EBF1: variants seen among roughly 807,000 people sequenced by gnomAD.
The protein encoded by EBF1 is EBF transcription factor 1.
Under a neutral mutation model 68.4 loss-of-function variants are expected in EBF1, and 10 were observed. The observed-to-expected ratio is 0.15, with a 90% CI of 0.09 to 0.25. EBF1 has a LOEUF of 0.25. Ranked by LOEUF, EBF1 falls within the 10% of genes least tolerant of loss-of-function variation. The pLI, the probability that EBF1 is intolerant of heterozygous loss-of-function variation, is 1.00. For missense variants in EBF1, 509 were observed against 794.4 expected, an observed-to-expected ratio of 0.64 and a Z score of 4.32; for synonymous variants, 298 against 299.8, an observed-to-expected ratio of 0.99 and a Z score of 0.06.
At chr5:158,703,053 C>T (rs964102308) in intron 15 of EBF1, among the ~76,000 whole-genome samples, 2 of 152,108 alleles carry the variant, frequency 1.3e-5, no homozygotes, top group South Asian at 2.1e-4. Context: ...ACTACATCAG[C>T]GGGGGTTCCA....
intron 6 of EBF1, among the ~76,000 whole-genome samples, chr5:158,998,322 C>T (rs1035860755): frequency 1.3e-5 from 2 of 152,152 alleles, no homozygotes; most frequent in African/African-American, 4.8e-5. Context: ...CTTTCCTCCA[C>T]CCTTCTCTAA....
chr5:158,745,190 A>G (rs1314637846), intron 10 of EBF1, among the ~76,000 whole-genome samples: 1 of 152,176 alleles, frequency 6.6e-6, no homozygotes, highest in African/African-American at 2.4e-5. Flanking sequence ...TGTGTGGGCA[A>G]TGGGTATGTG....
chr5:158,771,068 T>A (rs966732696), intron 10 of EBF1, among the ~76,000 whole-genome samples: 12 of 151,992 alleles, frequency 7.9e-5, no homozygotes, highest in Admixed American at 7.2e-4. Flanking sequence ...AGTGGTAAAA[T>A]CAGAACAGAA....
chr5:158,774,616 A>G (rs1774674663), intron 10 of EBF1, among the ~76,000 whole-genome samples: 1 of 152,110 alleles, frequency 6.6e-6, no homozygotes, highest in Admixed American at 6.6e-5. Context: ...GGGTGGACAA[A>G]GGAGGGGGCC....
chr5:158,703,689 T>C (rs947565617), intron 15 of EBF1, among the ~76,000 whole-genome samples: 3 of 151,602 alleles, frequency 2.0e-5, no homozygotes, highest in African/African-American at 7.3e-5. Context: ...GGAATCATGA[T>C]AGAATCTGTG....
chr5:158,835,230 G>T (rs1253492411), intron 7 of EBF1, among the ~76,000 whole-genome samples: 1 of 152,204 alleles, frequency 6.6e-6, no homozygotes, highest in Non-Finnish European at 1.5e-5. Flanking sequence ...GGGAAATTTA[G>T]TAGGATTTCT....
chr5:158,914,366 G>T (rs1323548524), intron 6 of EBF1, among the ~76,000 whole-genome samples: 5 of 152,114 alleles, frequency 3.3e-5, no homozygotes, highest in Non-Finnish European at 5.9e-5. Context: ...CGTGGTTTGT[G>T]CTTTTGTCTC....
rs1211658360 is a variant in EBF1, at chr5:158,901,708, C to A, written c.555-61598G>T. Among the ~76,000 whole-genome samples the A allele has an allele frequency of 2.0e-5, 3 of 152,264 alleles. No individual in the cohort carries two copies. The East Asian group carries it at 5.8e-4, about 29-fold the overall frequency. On this transcript the variant is annotated intron_variant, in intron 6 of 15. Transcript: ENST00000313708. Reference sequence around the variant, plus strand: ...TATGAAGTAGGTATTCTTTTAACCCCCTTTTTAGAGATATGAAAAGGGAGG... The same window carrying A: ...TATGAAGTAGGTATTCTTTTAACCCACTTTTTAGAGATATGAAAAGGGAGG...
intron 4 of EBF1, among the ~76,000 whole-genome samples, chr5:159,094,194 A>C (rs1034259111): frequency 1.5e-5 from 2 of 130,104 alleles, no homozygotes; most frequent in East Asian, 2.3e-4. Context: ...AAAAAAAAAA[A>C]CACAGTGTCC....
intron 8 of EBF1, among the ~76,000 whole-genome samples, chr5:158,806,738 T>A (rs1216216269): frequency 6.6e-6 from 1 of 152,170 alleles, no homozygotes; most frequent in African/African-American, 2.4e-5. Context: ...TCTAGCCAGG[T>A]AGTGGTTCCC....
intron 5 of EBF1, among the ~76,000 whole-genome samples, chr5:159,082,734 G>A (rs1779951902): frequency 6.6e-6 from 1 of 152,148 alleles, no homozygotes. Flanking sequence ...ACATCTATAG[G>A]CAGCCAGGAA....
chr5:158,932,489 T>C (rs1173385546), intron 6 of EBF1, among the ~76,000 whole-genome samples: 1 of 152,226 alleles, frequency 6.6e-6, no homozygotes, highest in Non-Finnish European at 1.5e-5. Context: ...ACAGTGGTTA[T>C]TGAGGGAAGA....
At chr5:158,850,171 G>A (rs1309914547) in intron 6 of EBF1, among the ~76,000 whole-genome samples, 1 of 152,112 alleles carries the variant, frequency 6.6e-6, no homozygotes, top group African/African-American at 2.4e-5. Context: ...AGGAATAAAA[G>A]GCCATATAAC....
intron 5 of EBF1, among the ~76,000 whole-genome samples, chr5:159,081,522 A>G (rs1301158138): frequency 6.6e-6 from 1 of 152,246 alleles, no homozygotes; most frequent in Non-Finnish European, 1.5e-5. Flanking sequence ...CAACGTAACA[A>G]TAGGACTTGA....
chr5:159,099,565 A>C lies in EBF1; in HGVS notation c.-87T>G. The stretch of plus-strand genomic sequence containing the variant: ...AAGGAAAGAAAAGAAAGAAAAGAAA[A>C]GAAACAAAAACGCCAACCAGAGATT... On this transcript the variant is annotated 5_prime_UTR_variant, in exon 1 of 16. Transcript: ENST00000313708. The C allele has an allele frequency of 2.2e-6, 3 of 1,362,138 alleles. No homozygotes were observed. Among genetic ancestry groups the C allele is most frequent in the Non-Finnish European group, 2.9e-6 (3 of 1,045,908 alleles). 84.4% of individuals were successfully genotyped at this position (1,362,138 alleles called of 1,614,324 possible).
chr5:158,768,672 C>T (rs1024968463), intron 10 of EBF1, among the ~76,000 whole-genome samples: 4 of 152,250 alleles, frequency 2.6e-5, no homozygotes, highest in African/African-American at 9.6e-5. Context: ...ATGAACAGGA[C>T]TGGCATCCAC....
chr5:158,986,650 A>C (rs935876543), intron 6 of EBF1, among the ~76,000 whole-genome samples: 4 of 152,242 alleles, frequency 2.6e-5, no homozygotes, highest in Non-Finnish European at 5.9e-5. Context: ...GCATCTGAGG[A>C]CCAAATTAAG....
intron 6 of EBF1, among the ~76,000 whole-genome samples, chr5:158,914,492 G>A (rs1457431259): frequency 6.6e-6 from 1 of 152,122 alleles, no homozygotes; most frequent in African/African-American, 2.4e-5. Context: ...CACAGGGAAG[G>A]ACTCCAGCCG....
Position 158,728,055 on chromosome 5 carries a change from G to A in EBF1, c.1125+3014C>T, listed in dbSNP as rs959542418. Among the ~76,000 whole-genome samples the A allele has an allele frequency of 7.2e-5, 11 of 152,192 alleles. 1 individual carries two copies. On this transcript the variant is annotated intron_variant, in intron 11 of 15. Transcript: ENST00000313708. ...TGACAAACACTGACCATGATCCTAAGAAAGGCGCAGCCCATTTTTATCTCC... is the reference window on the plus strand; with the variant it reads ...TGACAAACACTGACCATGATCCTAAAAAAGGCGCAGCCCATTTTTATCTCC...
Sources: gnomAD v4.1 joint callset for allele counts (sites outside exome capture counted in the v4.1 genomes callset) on GRCh38, gnomAD v4.1.1 for gene constraint, MANE v1.5 for transcripts, NCBI Gene and HGNC (gene_info 2026-07-23, HGNC 2026-07-21) for gene names.